HM13: variants seen among roughly 807,000 people sequenced by gnomAD.
HM13 encodes signal peptide peptidase.
HM13 carries 18 observed loss-of-function variants against 50.0 expected under a neutral mutation model. The observed-to-expected ratio is 0.36, with a 90% confidence interval of 0.25 to 0.53. The LOEUF (loss-of-function observed/expected upper bound fraction) is 0.53, where lower values mean the gene tolerates loss of function less well. HM13 is among the 20% of genes least tolerant of loss of function. HM13 has a pLI of 0.90. For synonymous variants in HM13, 197 were observed against 232.6 expected, an observed-to-expected ratio of 0.85 and a Z score of 1.39; for missense variants, 393 against 552.4, an observed-to-expected ratio of 0.71 and a Z score of 2.89.
intron 7 of HM13, among the ~76,000 whole-genome samples, chr20:31,553,332 C>G (rs964912835): frequency 2.0e-5 from 3 of 151,848 alleles, no homozygotes; most frequent in African/African-American, 7.3e-5. Flanking sequence ...CAGAGCTGAC[C>G]CCCTACCTGC....
chr20:31,566,042 C>T (rs1600673193), intron 10 of HM13, 168 bp from the exon 11 acceptor site: 1 of 508,240 alleles, frequency 2.0e-6, no homozygotes, highest in Non-Finnish European at 3.5e-6. Context: ...AGGAGCAACC[C>T]TTGTCTGGGA....
intron 3 of HM13, among the ~76,000 whole-genome samples, chr20:31,541,898 TCACAGCTGGTAAGGG>T (rs1983469167): frequency 1.3e-5 from 2 of 152,338 alleles, no homozygotes; most frequent in South Asian, 4.1e-4. Flanking sequence ...CCACCAGGAT[TCACAGCTGGTAAGGG>T]CAAAGTGAGG....
At chr20:31,545,989 C>G (rs1302421623) in intron 4 of HM13, among the ~76,000 whole-genome samples, 1 of 151,822 alleles carries the variant, frequency 6.6e-6, no homozygotes, top group African/African-American at 2.4e-5. Flanking sequence ...GAGTGAGCCA[C>G]CACGCCCAGC....
intron 10 of HM13, among the ~76,000 whole-genome samples, chr20:31,565,561 C>A (rs1984863259): frequency 1.3e-5 from 2 of 152,018 alleles, no homozygotes; most frequent in Non-Finnish European, 2.9e-5. Flanking sequence ...GGTCTTCCTC[C>A]TCTGCAAAAG....
chr20:31,550,034 C>G (rs764994018), intron 6 of HM13, 30 bp from the exon 7 acceptor site: 3 of 1,584,552 alleles, frequency 1.9e-6, no homozygotes, highest in Non-Finnish European at 2.6e-6. Flanking sequence ...CCTCACTTCC[C>G]TTCATACTGC....
At chr20:31,541,095 A>G (rs1018115921) in intron 3 of HM13, 4 of 152,232 alleles carry the variant, frequency 2.6e-5, no homozygotes, top group African/African-American at 9.6e-5. Flanking sequence ...CACATGGTAA[A>G]ATGTATGAGT....
chr20:31,517,375 C>A (rs1427736134), intron 1 of HM13, among the ~76,000 whole-genome samples: 3 of 152,102 alleles, frequency 2.0e-5, no homozygotes, highest in African/African-American at 7.2e-5. Context: ...CAGACAGAAG[C>A]GAATATGACC....
intron 1 of HM13, among the ~76,000 whole-genome samples, chr20:31,517,221 G>A (rs1981844417): frequency 1.3e-5 from 2 of 152,106 alleles, no homozygotes; most frequent in Admixed American, 1.3e-4. Context: ...GAATCCCCAA[G>A]GGTCAAGGTG....
chr20:31,554,874 T>C (rs1984226766), intron 8 of HM13, 45 bp downstream of exon 8: 2 of 1,469,254 alleles, frequency 1.4e-6, no homozygotes, highest in East Asian at 4.5e-5. Flanking sequence ...GTGGAGAGGG[T>C]ATTCCCCGGA....
chr20:31,560,592 C>T (rs530865014), intron 9 of HM13, among the ~76,000 whole-genome samples: 6 of 152,188 alleles, frequency 3.9e-5, no homozygotes, highest in Admixed American at 6.6e-5. Flanking sequence ...CTGTGCCAGC[C>T]GTCTCTACTC....
chr20:31,554,125 A>G (rs977291379), intron 7 of HM13, among the ~76,000 whole-genome samples: 2 of 152,152 alleles, frequency 1.3e-5, no homozygotes, highest in Non-Finnish European at 2.9e-5. Context: ...ATTGCCCTGC[A>G]TCCTCTCACG....
chr20:31,515,562 TA>T (rs1378111377), intron 1 of HM13, among the ~76,000 whole-genome samples: 1 of 151,964 alleles, frequency 6.6e-6, no homozygotes, highest in Non-Finnish European at 1.5e-5. Context: ...CTTCTCCCCA[TA>T]CCCCCAAGAC....
chr20:31,521,728 C>CAAAAA (rs58104065), intron 1 of HM13, among the ~76,000 whole-genome samples: 1 of 89,110 alleles, frequency 1.1e-5, no homozygotes, highest in African/African-American at 3.5e-5. Context: ...GACTCCATCT[C>CAAAAA]AAAAAAAAAA....
chr20:31,550,025 C>T, intron 6 of HM13, 39 bp from the exon 7 acceptor site: 1 of 1,516,256 alleles, frequency 6.6e-7, no homozygotes, highest in Non-Finnish European at 9.2e-7. Context: ...CCCACAGCCC[C>T]TCACTTCCCT....
chr20:31,532,097 T>C (rs1229210737), intron 2 of HM13, among the ~76,000 whole-genome samples: 7 of 115,074 alleles, frequency 6.1e-5, no homozygotes, highest in East Asian at 2.0e-4. Context: ...TATTCACAGA[T>C]TTTTTTTTTT....
intron 8 of HM13, among the ~76,000 whole-genome samples, chr20:31,557,380 T>A (rs1377781543): frequency 6.6e-6 from 1 of 152,216 alleles, no homozygotes; most frequent in East Asian, 1.9e-4. Context: ...GGCATATCTG[T>A]CCTTTCCCCA....
At chr20:31,555,463 T>C (rs752610818) in intron 8 of HM13, among the ~76,000 whole-genome samples, 21 of 152,144 alleles carry the variant, frequency 1.4e-4, no homozygotes, top group Non-Finnish European at 2.9e-4. Context: ...CCAAGCAGGA[T>C]AGCACATCCT....
intron 3 of HM13, among the ~76,000 whole-genome samples, chr20:31,543,876 G>C (rs897487844): frequency 3.3e-5 from 5 of 151,912 alleles, no homozygotes; most frequent in African/African-American, 1.2e-4. Context: ...GGAGCTTGCC[G>C]TGAGCCGAGA....
intron 1 of HM13, among the ~76,000 whole-genome samples, chr20:31,516,337 G>T (rs1311699642): frequency 1.3e-5 from 2 of 152,184 alleles, no homozygotes; most frequent in East Asian, 3.8e-4. Flanking sequence ...CACCTTCCAG[G>T]CAACAGTATT....
Sources: gnomAD v4.1 joint callset for allele counts (sites outside exome capture counted in the v4.1 genomes callset) on GRCh38, gnomAD v4.1.1 for gene constraint, MANE v1.5 for transcripts, NCBI Gene and HGNC (gene_info 2026-07-23, HGNC 2026-07-21) for gene names.